The following LRRC37A3 variants were observed in gnomAD, a reference collection of about 807,000 sequenced individuals.
LRRC37A3 encodes the protein leucine rich repeat containing 37 member A3.
LRRC37A3 carries 25 observed loss-of-function variants against 106.2 expected under a neutral mutation model. The ratio of observed to expected loss-of-function variants is 0.24; its 90% CI spans 0.17 to 0.33. The LOEUF (loss-of-function observed/expected upper bound fraction) is 0.33. Ranked by LOEUF, LRRC37A3 falls within the 10% of genes least tolerant of loss-of-function variation. The pLI is 1.00. For missense variants in LRRC37A3, 712 were observed against 1,644.9 expected (o/e 0.43, Z 9.81); for synonymous variants, 305 against 635.8 (o/e 0.48, Z 7.83).
chr17:64,875,134 G>A (rs982807138), intron 8 of LRRC37A3, among the ~76,000 whole-genome samples: 1 of 152,124 alleles, frequency 6.6e-6, no homozygotes. Context: ...AAAAAAAACT[G>A]GGCATGGTGG....
chr17:64,868,433 A>C, intron 10 of LRRC37A3, 29 bp downstream of exon 10: 1 of 1,609,468 alleles, frequency 6.2e-7, no homozygotes, highest in Non-Finnish European at 8.5e-7. Flanking sequence ...CAACTACGTA[A>C]AAATAAATCT....
At chr17:64,912,348 C>G (rs972378442) in intron 2 of LRRC37A3, among the ~76,000 whole-genome samples, 2 of 151,264 alleles carry the variant, frequency 1.3e-5, no homozygotes, top group African/African-American at 4.9e-5. Context: ...TATATACACA[C>G]ATACACACAC....
chr17:64,915,385 T>C (rs1209550196), intron 2 of LRRC37A3, among the ~76,000 whole-genome samples: 1 of 152,138 alleles, frequency 6.6e-6, no homozygotes, highest in Non-Finnish European at 1.5e-5. Flanking sequence ...CCTGTTTTTC[T>C]AATAATCAAA....
intron 2 of LRRC37A3, among the ~76,000 whole-genome samples, chr17:64,917,310 G>A (rs1223713473): frequency 6.7e-6 from 1 of 149,290 alleles, no homozygotes; most frequent in African/African-American, 2.5e-5. Context: ...CAGAGCAACC[G>A]GAACTCTTCA....
intron 8 of LRRC37A3, among the ~76,000 whole-genome samples, chr17:64,877,529 T>C (rs773731593): frequency 3.9e-5 from 6 of 152,156 alleles, no homozygotes; most frequent in Non-Finnish European, 8.8e-5. Context: ...AAAAGCTACA[T>C]ATATTGCAAA....
chr17:64,918,977 C>G (rs1307317422), intron 1 of LRRC37A3, 107 bp from the exon 2 acceptor site: 1 of 1,199,632 alleles, frequency 8.3e-7, no homozygotes, highest in African/African-American at 1.6e-5. Context: ...CAGGTGGCTG[C>G]CCCCGCCTCC....
chr17:64,875,543 C>T (rs1311138812), intron 8 of LRRC37A3, among the ~76,000 whole-genome samples: 2 of 152,138 alleles, frequency 1.3e-5, no homozygotes, highest in Non-Finnish European at 2.9e-5. Context: ...AATCCCAGCA[C>T]TTTGGGAGGC....
In LRRC37A3 at chr17:64,862,527, A is replaced by C. The variant is rs557231689; in HGVS notation, c.3172+373T>G. ...TGTCCTATAAGGCAGAGAGTACTTG[A>C]GATCTCATGGATTTAAAACCAGCTT... On this transcript the variant is annotated intron_variant, in intron 11 of 14. Coordinates refer to ENST00000584306, the MANE Select transcript of LRRC37A3 (RefSeq NM_199340.5). 1.8e-4 allele frequency among the ~76,000 whole-genome samples: 27 copies of C among 151,956 alleles called. No homozygotes were observed. The East Asian group carries it at 4.8e-3, about 27-fold the overall frequency.
At chr17:64,878,628 G>A (rs888913294) in intron 8 of LRRC37A3, among the ~76,000 whole-genome samples, 1 of 152,152 alleles carries the variant, frequency 6.6e-6, no homozygotes, top group African/African-American at 2.4e-5. Flanking sequence ...AAACTGCAGC[G>A]AGATACTACT....
chr17:64,875,855 A>G (rs1489949175), intron 8 of LRRC37A3, among the ~76,000 whole-genome samples: 1 of 152,208 alleles, frequency 6.6e-6, no homozygotes, highest in Non-Finnish European at 1.5e-5. Context: ...TAGTTGATGA[A>G]CATAAAGTAT....
chr17:64,860,745 A>T lies in LRRC37A3; in HGVS notation c.3401T>A (p.Val1134Glu). Residue 1134 changes from valine (V) to glutamate (E), a missense_variant, in exon 12 of 15, where the codon GTG becomes GAG. Val to Glu is a moderately radical substitution (Grantham distance 121). Transcript: ENST00000584306. Reference sequence around the variant, plus strand: ...AATGAACGGTAGTAACAGTGATTTCACATCTAGGTTAACGGCTGAGAAATA... The same window carrying T: ...AATGAACGGTAGTAACAGTGATTTCTCATCTAGGTTAACGGCTGAGAAATA... ...LPYFSAVNLD[V>E]KSLLLPFIKL... is the part of the protein sequence containing the mutation. The T allele has an allele frequency of 6.2e-7, 1 of 1,614,018 alleles. No individual in the cohort carries two copies. The highest frequency in any genetic ancestry group is 8.5e-7 in the Non-Finnish European group (1 of 1,179,948).
chr17:64,854,504 A>G lies in LRRC37A3; in HGVS notation c.*95T>C. On this transcript the variant is annotated 3_prime_UTR_variant, in exon 15 of 15. Transcript: ENST00000584306. ...CTTGCTCTGCCCGCTGCCTCTGTGG[A>G]TGTGTGGGCCGCTGGCTTCAGTCCT... 6.4e-7 allele frequency: 1 copy of G among 1,566,786 alleles called. No homozygotes were observed. Among genetic ancestry groups the G allele is most frequent in the Non-Finnish European group, 8.8e-7 (1 of 1,138,416 alleles).
At chr17:64,863,702 C>T (rs925705646) in intron 10 of LRRC37A3, 2 of 152,250 alleles carry the variant, frequency 1.3e-5, no homozygotes, top group African/African-American at 4.8e-5. Flanking sequence ...TTCATTCAGA[C>T]AAGGATTATC....
At chr17:64,912,918 T>TC in intron 2 of LRRC37A3, among the ~76,000 whole-genome samples, 2 of 146,526 alleles carry the variant, frequency 1.4e-5, no homozygotes, top group Non-Finnish European at 3.0e-5. Flanking sequence ...AATATCATGA[T>TC]ATCTAGATTA....
chr17:64,880,215 C>G (rs990594375), intron 8 of LRRC37A3, among the ~76,000 whole-genome samples: 3 of 151,932 alleles, frequency 2.0e-5, no homozygotes, highest in Non-Finnish European at 4.4e-5. Flanking sequence ...TGAGTGGGAA[C>G]TGGCTCAACG....
chr17:64,873,143 C>T (rs1020991149), intron 8 of LRRC37A3, among the ~76,000 whole-genome samples: 6 of 150,308 alleles, frequency 4.0e-5, no homozygotes, highest in Non-Finnish European at 7.4e-5. Flanking sequence ...AGGAGTAACA[C>T]CAAACCCTGG....
At chr17:64,910,578 A>G (rs1175143555) in intron 2 of LRRC37A3, among the ~76,000 whole-genome samples, 2 of 152,118 alleles carry the variant, frequency 1.3e-5, no homozygotes, top group African/African-American at 4.8e-5. Context: ...CTAGACTTCA[A>G]AAAACAACTC....
rs1268225373 is a variant in LRRC37A3 at position 64,868,537 on chromosome 17, C to T, written c.2979-1G>A. 1 of 1,608,266 alleles carries T rather than the reference C, an allele frequency of 6.2e-7. No homozygotes were observed. The highest frequency in any genetic ancestry group is 1.7e-5 in the Admixed American group (1 of 59,164). ...TGGGACTAGCGTTGTTCCCATGTCT[C>T]TGAAGAAGAAAGCCGAAACATTCAT... is the stretch of plus-strand genomic sequence containing the variant. On this transcript the variant is annotated splice_acceptor_variant, in intron 9 of 14. Transcript: ENST00000584306. LOFTEE classifies it high-confidence loss of function.
intron 9 of LRRC37A3, 76 bp downstream of exon 9, chr17:64,869,018 CA>C (rs1973217025): frequency 6.5e-7 from 1 of 1,528,470 alleles, no homozygotes; most frequent in Non-Finnish European, 8.7e-7. Flanking sequence ...AGCCTAAATG[CA>C]AAATACTTAA....
Sources: gnomAD v4.1 joint callset for allele counts (sites outside exome capture counted in the v4.1 genomes callset) on GRCh38, gnomAD v4.1.1 for gene constraint, MANE v1.5 for transcripts, NCBI Gene and HGNC (gene_info 2026-07-23, HGNC 2026-07-21) for gene names.